Variants in MED27 observed in about 807,000 individuals in gnomAD.
MED27 encodes the protein mediator complex subunit 27.
In MED27, 30 loss-of-function variants were observed where a neutral mutation model predicts 38.2. The observed-to-expected ratio is 0.79, with a 90% CI of 0.59 to 1.07. The LOEUF is 1.07. Ranked by LOEUF, MED27 falls within the 50% of genes least tolerant of loss-of-function variation. The probability of loss-of-function intolerance (pLI) is 0.00; values close to 1 mark genes in which losing one functional copy is unlikely to be tolerated. For missense variants in MED27, 289 were observed against 397.5 expected (o/e 0.73, Z 2.32); for synonymous variants, 122 against 153.5 (o/e 0.79, Z 1.52).
At chr9:132,039,101 T>G (rs1833147729) in intron 2 of MED27, among the ~76,000 whole-genome samples, 1 of 152,188 alleles carries the variant, frequency 6.6e-6, no homozygotes, top group South Asian at 2.1e-4. Context: ...AGGAATTCCA[T>G]AAACCAAAAT....
At chr9:131,972,191 C>T (rs1831494292) in intron 3 of MED27, among the ~76,000 whole-genome samples, 1 of 152,118 alleles carries the variant, frequency 6.6e-6, no homozygotes, top group South Asian at 2.1e-4. Flanking sequence ...GGAATGAGTA[C>T]TAAAACGATC....
Position 132,077,575 on chromosome 9 carries a change from C to T in MED27, c.215G>A (p.Arg72His), listed in dbSNP as rs776107467. The change falls in exon 2 of 8, where the codon CGT becomes CAT. Residue 72 changes from arginine (R) to histidine (H), a missense_variant. Physicochemically the swap from Arg to His is conservative, Grantham distance 29 (BLOSUM62 0). Transcript: ENST00000292035. ...TGGCTTGCCTACCAGATTGCTCAGA[C>T]GTTCCAGCTCACTGAAAAGCAAAGA... ...SVNRDLNELERLSNLVGKPSE... is the reference protein window; with the variant it reads ...SVNRDLNELEHLSNLVGKPSE... 2.5e-6 allele frequency: 4 copies of T among 1,613,968 alleles called. No individual in the cohort carries two copies. Among genetic ancestry groups the T allele is most frequent in the South Asian group, 2.2e-5 (2 of 91,076 alleles).
At chr9:131,998,577 G>A (rs1363503218) in intron 3 of MED27, among the ~76,000 whole-genome samples, 2 of 152,154 alleles carry the variant, frequency 1.3e-5, no homozygotes, top group African/African-American at 2.4e-5. Flanking sequence ...TAGGGGTGAC[G>A]GAAATTCCAT....
intron 2 of MED27, among the ~76,000 whole-genome samples, chr9:132,062,105 A>C (rs1022341935): frequency 1.3e-5 from 2 of 152,210 alleles, no homozygotes; most frequent in African/African-American, 4.8e-5. Flanking sequence ...CCTCTCAAAA[A>C]TACGCCCAAT....
intron 6 of MED27, among the ~76,000 whole-genome samples, chr9:131,878,586 G>A (rs1292890002): frequency 6.6e-6 from 1 of 152,014 alleles, no homozygotes; most frequent in Non-Finnish European, 1.5e-5. Flanking sequence ...TGCCTAACCT[G>A]GGTGGTACAC....
Position 131,897,943 on chromosome 9 carries a change from C to T in MED27, c.574-3951G>A, listed in dbSNP as rs562255358. Among the ~76,000 whole-genome samples the T allele has an allele frequency of 3.9e-5, 6 of 152,230 alleles. No homozygotes were observed. The South Asian group carries it at 1.0e-3, about 26-fold the overall frequency. On this transcript the variant is annotated intron_variant, in intron 4 of 7. Coordinates refer to ENST00000292035, the MANE Select transcript of MED27 (RefSeq NM_004269.4). Reference sequence around the variant, plus strand: ...AAACTAAAGAGATCCCCCTCCCAACCCCATGTCCCCATTTTATGTGCTGAA... The same window carrying T: ...AAACTAAAGAGATCCCCCTCCCAACTCCATGTCCCCATTTTATGTGCTGAA...
rs908863332 is a variant in MED27 at position 131,861,839 on chromosome 9, C to T, written c.802-1167G>A. Among the ~76,000 whole-genome samples the T allele has an allele frequency of 6.6e-6, 1 of 151,124 alleles. No individual in the cohort carries two copies. Among genetic ancestry groups the T allele is most frequent in the Non-Finnish European group, 1.5e-5 (1 of 67,994 alleles). ...CCAGGCTGGAGCGCAGTGGTGCAAT[C>T]GATCATAGCTCACTGTAACCTTGAA... On this transcript the variant is annotated intron_variant, in intron 7 of 7. Coordinates refer to ENST00000292035, the MANE Select transcript of MED27 (RefSeq NM_004269.4). This position sits in a 1 kb window ranked among gnomAD's most constrained non-coding sequence, Gnocchi z 4.4.
At position 131,917,407 on chromosome 9, in the gene MED27, C is replaced by A. The variant is rs1371717470; in HGVS notation, c.573+21974G>T. ...GGCTTTATCCTGCAAGCAACAGGAG[C>A]CAACAGGGTAGCAGACTGGCATCTC... On this transcript the variant is annotated intron_variant, in intron 4 of 7. Coordinates refer to ENST00000292035, the MANE Select transcript of MED27 (RefSeq NM_004269.4). This position sits in a 1 kb window ranked among gnomAD's most constrained non-coding sequence, Gnocchi z 4.6. Among the ~76,000 whole-genome samples, 1 of 152,212 alleles carries A rather than the reference C, an allele frequency of 6.6e-6. No individual in the cohort carries two copies. Among genetic ancestry groups the A allele is most frequent in the South Asian group, 2.1e-4 (1 of 4,812 alleles).
At chr9:131,918,934 C>T (rs1363865434) in intron 4 of MED27, among the ~76,000 whole-genome samples, 1 of 152,154 alleles carries the variant, frequency 6.6e-6, no homozygotes, top group Non-Finnish European at 1.5e-5. Context: ...GCCTCCTATT[C>T]TAATGAAAGT....
chr9:131,885,949 C>T (rs1004101314), intron 5 of MED27, among the ~76,000 whole-genome samples: 2 of 152,122 alleles, frequency 1.3e-5, no homozygotes, highest in African/African-American at 4.8e-5. Flanking sequence ...GGTTGGCCAG[C>T]GGTCAGGTAG....
chr9:131,928,313 T>G (rs1351154676), intron 4 of MED27, among the ~76,000 whole-genome samples: 1 of 152,078 alleles, frequency 6.6e-6, no homozygotes, highest in African/African-American at 2.4e-5. Flanking sequence ...TGGAGCAAGA[T>G]GGCCAGACAG....
At chr9:132,050,477 G>A (rs1833440668) in intron 2 of MED27, among the ~76,000 whole-genome samples, 1 of 152,202 alleles carries the variant, frequency 6.6e-6, no homozygotes, top group African/African-American at 2.4e-5. Context: ...TTTGGCTGAA[G>A]GTGTCCAATG....
intron 3 of MED27, among the ~76,000 whole-genome samples, chr9:131,990,734 C>T (rs935035628): frequency 2.0e-5 from 3 of 152,172 alleles, no homozygotes; most frequent in African/African-American, 7.2e-5. Context: ...TGGGTTCTGA[C>T]CAGATCTAGG....
At chr9:131,988,049 G>A (rs1357305608) in intron 3 of MED27, among the ~76,000 whole-genome samples, 6 of 152,246 alleles carry the variant, frequency 3.9e-5, no homozygotes, top group African/African-American at 1.4e-4. Context: ...TTTTAAAAAT[G>A]TGAGCTACAA....
intron 4 of MED27, among the ~76,000 whole-genome samples, chr9:131,912,777 C>T (rs1015525542): frequency 2.6e-5 from 4 of 152,216 alleles, no homozygotes; most frequent in African/African-American, 7.2e-5. Context: ...ACAGCCCTCA[C>T]TTAATCACTC....
Position 132,051,704 on chromosome 9 carries a change from C to T in MED27, c.348+25738G>A, listed in dbSNP as rs1833468886. On this transcript the variant is annotated intron_variant, in intron 2 of 7. Transcript: ENST00000292035. The surrounding 1 kb of genome is among the most constrained non-coding windows in gnomAD (Gnocchi z 4.2). ...AACTTATTTCCTCAGTAACACTAGC[C>T]ACATTTCAAGAGCTCAACAGTTACA... is the stretch of plus-strand genomic sequence containing the variant. Among the ~76,000 whole-genome samples the T allele has an allele frequency of 6.6e-6, 1 of 152,162 alleles. No individual in the cohort carries two copies. The highest frequency in any genetic ancestry group is 2.4e-5 in the African/African-American group (1 of 41,434).
chr9:132,025,891 T>C (rs1333934462), intron 2 of MED27, among the ~76,000 whole-genome samples: 1 of 152,098 alleles, frequency 6.6e-6, no homozygotes, highest in African/African-American at 2.4e-5. Context: ...GTCTTAGGAG[T>C]GACTGTGTCA....
intron 2 of MED27, chr9:132,073,329 G>A (rs1205426061): frequency 8.1e-6 from 8 of 989,638 alleles, no homozygotes; most frequent in South Asian, 4.7e-5. Flanking sequence ...GAAAGGGGTT[G>A]TAAATTAAAA....
At chr9:131,911,341 G>C (rs989447140) in intron 4 of MED27, among the ~76,000 whole-genome samples, 1 of 152,228 alleles carries the variant, frequency 6.6e-6, no homozygotes, top group African/African-American at 2.4e-5. Flanking sequence ...TCAGATGCCT[G>C]AAGTTAATGA....
Sources: gnomAD v4.1 joint callset for allele counts (sites outside exome capture counted in the v4.1 genomes callset) on GRCh38, gnomAD v4.1.1 for gene constraint, Gnocchi (gnomAD v3.1) non-coding constraint, MANE v1.5 for transcripts, NCBI Gene and HGNC (gene_info 2026-07-23, HGNC 2026-07-21) for gene names.